KATNIP: variants seen among roughly 807,000 people sequenced by gnomAD.
KATNIP encodes the protein katanin interacting protein.
Under a neutral mutation model 174.0 loss-of-function variants are expected in KATNIP, and 126 were observed. The observed-to-expected ratio is 0.72, with a 90% confidence interval of 0.63 to 0.84. The LOEUF (loss-of-function observed/expected upper bound fraction) is 0.84. Ranked by LOEUF, KATNIP falls within the 40% of genes least tolerant of loss-of-function variation. KATNIP has a pLI of 0.00. For synonymous variants in KATNIP, 810 were observed against 835.7 expected, an observed-to-expected ratio of 0.97 and a Z score of 0.53; for missense variants, 1,958 against 2,109.7, an observed-to-expected ratio of 0.93 and a Z score of 1.41.
chr16:27,552,333 C>G (rs751554152), intron 1 of KATNIP, among the ~76,000 whole-genome samples: 1 of 151,532 alleles, frequency 6.6e-6, no homozygotes, highest in Non-Finnish European at 1.5e-5. Flanking sequence ...TAGACACTCT[C>G]CTTTCATACT....
chr16:27,722,843 C>T (rs1027761640), intron 14 of KATNIP, among the ~76,000 whole-genome samples: 9 of 152,248 alleles, frequency 5.9e-5, no homozygotes, highest in Admixed American at 5.9e-4. Flanking sequence ...TGAGTTTTGA[C>T]ATGAGCCTTC....
In KATNIP at chr16:27,648,664, T is replaced by C; in HGVS notation, c.469T>C (p.Tyr157His). ...PRLHIEPPVD[Y>H]SDDFELCGDV... Reference sequence around the variant, plus strand: ...GCTCCACATCGAACCTCCTGTGGACTATTCTGATGATTTTGAGCTGTGTGG... The same window carrying C: ...GCTCCACATCGAACCTCCTGTGGACCATTCTGATGATTTTGAGCTGTGTGG... The change falls in exon 6 of 28, where the codon TAT (tyrosine) becomes CAT (histidine). Residue 157 changes from tyrosine to histidine, a missense_variant. Around this residue, in one of 3 missense-constraint regions of KATNIP, gnomAD observed 1,557 missense variants for 1,617.8 expected, o/e 0.96. Transcript: ENST00000261588. 1 of 1,614,218 alleles carries C rather than the reference T, an allele frequency of 6.2e-7. No homozygotes were observed. Among genetic ancestry groups the C allele is most frequent in the Non-Finnish European group, 8.5e-7 (1 of 1,180,022 alleles).
intron 5 of KATNIP, among the ~76,000 whole-genome samples, chr16:27,633,457 A>G: frequency 6.7e-6 from 1 of 148,972 alleles, no homozygotes; most frequent in South Asian, 2.1e-4. Flanking sequence ...ATTTTTATAT[A>G]TTTTTTATTT....
At chr16:27,714,285 GTC>G (rs1182369762) in intron 13 of KATNIP, among the ~76,000 whole-genome samples, 1 of 151,976 alleles carries the variant, frequency 6.6e-6, no homozygotes, top group Non-Finnish European at 1.5e-5. Flanking sequence ...TGTATATTAT[GTC>G]TCCCCAGTTT....
intron 15 of KATNIP, among the ~76,000 whole-genome samples, chr16:27,747,889 A>G (rs2081352556): frequency 6.6e-6 from 1 of 152,148 alleles, no homozygotes. Context: ...GGAGAGATTT[A>G]TGCATGTCTG....
rs1306230809 is a variant in KATNIP at position 27,740,172 on chromosome 16, G to A, written c.1875G>A (p.Lys625=). ...TCCTGGTTGACCAGAAGAACGAGAA[G>A]AGCGAGCAACTAGAGGAGGCCATGA... is the stretch of plus-strand genomic sequence containing the variant. ...HSILVDQKNE[K]SEQLEEAMNA... is the part of the protein sequence containing the mutation. Residue 625 remains lysine (K), a synonymous_variant, in exon 15 of 28, where the codon AAG becomes AAA. Transcript: ENST00000261588. 6.2e-7 allele frequency: 1 copy of A among 1,614,066 alleles called. No individual in the cohort carries two copies. Among genetic ancestry groups the A allele is most frequent in the Non-Finnish European group, 8.5e-7 (1 of 1,180,040 alleles).
At chr16:27,577,549 G>T (rs1030648897) in intron 2 of KATNIP, among the ~76,000 whole-genome samples, 1 of 151,434 alleles carries the variant, frequency 6.6e-6, no homozygotes, top group Non-Finnish European at 1.5e-5. Context: ...AAAATTAGCC[G>T]GACGTGGTGG....
chr16:27,768,304 T>A (rs2082188104), intron 20 of KATNIP, among the ~76,000 whole-genome samples: 1 of 152,172 alleles, frequency 6.6e-6, no homozygotes, highest in South Asian at 2.1e-4. Flanking sequence ...AAGTTTAGCT[T>A]CCTTCCCTAT....
intron 18 of KATNIP, among the ~76,000 whole-genome samples, chr16:27,760,207 C>T (rs978922605): frequency 6.6e-6 from 1 of 152,130 alleles, no homozygotes. Flanking sequence ...GTGGTGCTGG[C>T]ATTTCTGTGA....
intron 1 of KATNIP, among the ~76,000 whole-genome samples, chr16:27,563,056 A>G (rs2089951882): frequency 6.6e-6 from 1 of 152,208 alleles, no homozygotes; most frequent in Non-Finnish European, 1.5e-5. Context: ...ACTCCATTCT[A>G]GGCACTATTC....
chr16:27,778,072 C>G, intron 27 of KATNIP, 103 bp downstream of exon 27: 6 of 980,722 alleles, frequency 6.1e-6, no homozygotes, highest in Non-Finnish European at 9.3e-6. Context: ...CTGCCTGCCC[C>G]TAGACCGCTC....
intron 14 of KATNIP, 63 bp downstream of exon 14, chr16:27,721,758 C>T: frequency 6.4e-7 from 1 of 1,569,194 alleles, no homozygotes; most frequent in Non-Finnish European, 8.7e-7. Flanking sequence ...AGCAGTTTGC[C>T]AATAGCCTGA....
chr16:27,705,058 G>A (rs934519853), intron 12 of KATNIP, among the ~76,000 whole-genome samples: 7 of 151,862 alleles, frequency 4.6e-5, no homozygotes, highest in Admixed American at 3.3e-4. Flanking sequence ...TTACAGGCAC[G>A]CATCACCATG....
At chr16:27,608,070 C>G (rs1464528412) in intron 2 of KATNIP, among the ~76,000 whole-genome samples, 3 of 152,146 alleles carry the variant, frequency 2.0e-5, no homozygotes, top group African/African-American at 7.2e-5. Flanking sequence ...CTCATCAGCC[C>G]TGTTGAGGAG....
chr16:27,695,916 C>A (rs555878240), intron 8 of KATNIP, among the ~76,000 whole-genome samples: 1 of 152,220 alleles, frequency 6.6e-6, no homozygotes, highest in Non-Finnish European at 1.5e-5. Flanking sequence ...CTCGTCATCA[C>A]CCCTACCCAT....
chr16:27,707,901 A>G (rs540151913), intron 12 of KATNIP, among the ~76,000 whole-genome samples: 158 of 151,916 alleles, frequency 1.0e-3, no homozygotes, highest in African/African-American at 3.6e-3. Flanking sequence ...CCCCTCCCCC[A>G]CAGCCTCATT....
intron 1 of KATNIP, among the ~76,000 whole-genome samples, chr16:27,554,181 C>T (rs777317040): frequency 1.3e-5 from 2 of 152,034 alleles, no homozygotes; most frequent in African/African-American, 2.4e-5. Flanking sequence ...AATGTCAACA[C>T]AGCCAGATGG....
chr16:27,560,379 T>C (rs904510478), intron 1 of KATNIP, among the ~76,000 whole-genome samples: 4 of 152,096 alleles, frequency 2.6e-5, no homozygotes, highest in Admixed American at 2.0e-4. Context: ...AGCACTTTCT[T>C]GTCACGTAGC....
At chr16:27,720,015 T>TTTG (rs374344841) in intron 13 of KATNIP, among the ~76,000 whole-genome samples, 17 of 151,930 alleles carry the variant, frequency 1.1e-4, no homozygotes, top group African/African-American at 3.1e-4. Context: ...TTGTGTTTGC[T>TTTG]TTGTTGTTGT....
Sources: allele counts gnomAD v4.1 joint callset (sites outside exome capture counted in the v4.1 genomes callset), GRCh38; gene constraint gnomAD v4.1.1; regional missense constraint gnomAD v4.1.1; transcripts MANE v1.5; gene names NCBI Gene and HGNC (gene_info 2026-07-23, HGNC 2026-07-21).